KLHL5: variants seen among roughly 807,000 people sequenced by gnomAD.
KLHL5 encodes kelch-like protein 5.
In KLHL5, 48 loss-of-function variants were observed where a neutral mutation model predicts 77.7. The observed-to-expected ratio is 0.62, with a 90% CI of 0.49 to 0.79. KLHL5 has a LOEUF of 0.79. Among genes scored for constraint, KLHL5 ranks in the 30% least tolerant of loss-of-function variants. The pLI is 0.00. For missense variants in KLHL5, 723 were observed against 859.7 expected, an observed-to-expected ratio of 0.84 and a Z score of 1.99; for synonymous variants, 260 against 297.0, an observed-to-expected ratio of 0.88 and a Z score of 1.28.
At position 39,063,000 on chromosome 4, in the gene KLHL5, T is replaced by G; in HGVS notation, c.348T>G (p.Ser116Arg). The G allele has an allele frequency of 6.2e-7, 1 of 1,613,240 alleles. No individual in the cohort carries two copies. The highest frequency in any genetic ancestry group is 8.5e-7 in the Non-Finnish European group (1 of 1,179,690). ...LDRPEVDDGT[S>R]EEENESDSSS... is the part of the protein sequence containing the mutation. ...GACCAGAAGTGGATGATGGCACTAG[T>G]GAAGAAGAAAATGAATCTGATTCCA... Residue 116 changes from serine to arginine, a missense_variant, in exon 1 of 11, where the codon AGT becomes AGG. This residue lies in a region of KLHL5 where 221 missense variants were observed against 222.1 expected (regional missense o/e 1.00). Transcript: ENST00000504108.
chr4:39,104,550 C>G (rs890907158), intron 7 of KLHL5, among the ~76,000 whole-genome samples: 2 of 152,102 alleles, frequency 1.3e-5, no homozygotes, highest in African/African-American at 4.8e-5. Flanking sequence ...CCAGCTGTTT[C>G]GTGCAGATGA....
chr4:39,136,595 G>T, the KLHL5 span, among the ~76,000 whole-genome samples: 1 of 152,194 alleles, frequency 6.6e-6, no homozygotes, highest in Non-Finnish European at 1.5e-5. Flanking sequence ...GTGGGCTACA[G>T]GGTGGGTGAC....
chr4:39,141,378 G>A, the KLHL5 span, among the ~76,000 whole-genome samples: 3 of 146,302 alleles, frequency 2.1e-5, no homozygotes, highest in East Asian at 2.0e-4. Flanking sequence ...GCGCAATCTC[G>A]GCTCACTGCA....
chr4:39,102,799 A>C (rs1388226356), intron 6 of KLHL5, among the ~76,000 whole-genome samples: 1 of 152,186 alleles, frequency 6.6e-6, no homozygotes, highest in Non-Finnish European at 1.5e-5. Flanking sequence ...AGAATCTTCT[A>C]TGCTCACTGT....
At chr4:39,048,593 C>G (rs148316670) in intron 1 of KLHL5, among the ~76,000 whole-genome samples, 2 of 148,122 alleles carry the variant, frequency 1.4e-5, no homozygotes, top group Non-Finnish European at 3.0e-5. Context: ...CACATGCTTC[C>G]GCAGTTGTTA....
chr4:39,115,767 A>G (rs1297086966), intron 10 of KLHL5: 2 of 1,070,634 alleles, frequency 1.9e-6, no homozygotes, highest in Non-Finnish European at 2.3e-6. Context: ...TGATAACCTA[A>G]TGAAGATGGC....
At chr4:39,142,394 CAAA>C in the KLHL5 span, among the ~76,000 whole-genome samples, 3 of 95,072 alleles carry the variant, frequency 3.2e-5, no homozygotes, top group Non-Finnish European at 2.3e-5. Context: ...AACTCTGTCT[CAAA>C]AAAAAAAAAA....
downstream of KLHL5, among the ~76,000 whole-genome samples, chr4:39,128,738 G>C (rs533439861): frequency 2.8e-4 from 42 of 152,250 alleles, no homozygotes; most frequent in African/African-American, 9.6e-4. Flanking sequence ...CAAGGCAGGA[G>C]GATCACTTGA....
At chr4:39,096,647 C>A in intron 5 of KLHL5, 45 bp from the exon 6 acceptor site, 1 of 1,312,200 alleles carries the variant, frequency 7.6e-7, no homozygotes, top group Non-Finnish European at 1.1e-6. Context: ...TAAACCCTAC[C>A]ATTTTCTTAG....
In KLHL5 at chr4:39,086,726, A is replaced by C; in HGVS notation, c.1112A>C (p.Gln371Pro). The C allele has an allele frequency of 1.9e-6, 3 of 1,608,682 alleles. No individual in the cohort carries two copies. Among genetic ancestry groups the C allele is most frequent in the Non-Finnish European group, 2.6e-6 (3 of 1,175,134 alleles). Reference protein sequence around the residue: ...AYIRLPLLAPQFLADMENNVL... With the variant: ...AYIRLPLLAPPFLADMENNVL... Reference sequence around the variant, plus strand: ...ATTAGGCTACCTCTTCTTGCACCACAGGTAATTAATAGGCACTTGTTTATA... The same window carrying C: ...ATTAGGCTACCTCTTCTTGCACCACCGGTAATTAATAGGCACTTGTTTATA... The change falls in exon 5 of 11, where the codon CAG becomes CCG. Residue 371 changes from glutamine (Q) to proline (P), a missense_variant and splice_region_variant. Coordinates refer to ENST00000504108, the MANE Select transcript of KLHL5 (RefSeq NM_015990.5).
In KLHL5 at chr4:39,096,855, T is replaced by A; in HGVS notation, c.1277T>A (p.Val426Asp). Residue 426 changes from valine to aspartate, a missense_variant, in exon 6 of 11, where the codon GTT (valine) becomes GAT (aspartate). Physicochemically the swap from Val to Asp is radical, Grantham distance 152. Around this residue, in one of 3 missense-constraint regions of KLHL5, gnomAD observed 288 missense variants for 400.3 expected, o/e 0.72. Coordinates refer to ENST00000504108, the MANE Select transcript of KLHL5 (RefSeq NM_015990.5). ...TCAACTGTTGGTACATTATTTGCAG[T>A]TGGGGGAATGGATTCAACAAAAGGT... Reference protein sequence around the residue: ...RKSTVGTLFAVGGMDSTKGAT... With the variant: ...RKSTVGTLFADGGMDSTKGAT... The A allele has an allele frequency of 6.2e-7, 1 of 1,613,616 alleles. No individual in the cohort carries two copies. The highest frequency in any genetic ancestry group is 1.1e-5 in the South Asian group (1 of 91,066).
the KLHL5 span, among the ~76,000 whole-genome samples, chr4:39,142,915 A>G: frequency 2.4e-4 from 36 of 152,280 alleles, no homozygotes; most frequent in African/African-American, 3.6e-4. Context: ...AGAGATATGG[A>G]GAGAGGATGA....
intron 6 of KLHL5, among the ~76,000 whole-genome samples, chr4:39,097,346 G>T (rs1458163404): frequency 2.6e-5 from 4 of 152,232 alleles, no homozygotes; most frequent in Non-Finnish European, 5.9e-5. Context: ...GCTGAGACTA[G>T]TGGGAAAAGT....
intron 2 of KLHL5, among the ~76,000 whole-genome samples, chr4:39,079,945 T>A (rs1719454435): frequency 6.6e-6 from 1 of 152,148 alleles, no homozygotes; most frequent in South Asian, 2.1e-4. Context: ...CAATGAGATA[T>A]CATTTAACAC....
At chr4:39,076,663 C>A (rs1330267834) in intron 2 of KLHL5, among the ~76,000 whole-genome samples, 3 of 151,710 alleles carry the variant, frequency 2.0e-5, no homozygotes, top group Non-Finnish European at 4.4e-5. Flanking sequence ...AGGAAAAGAG[C>A]CATTTAATAA....
At chr4:39,051,763 C>A (rs966740914) in intron 1 of KLHL5, among the ~76,000 whole-genome samples, 1 of 152,230 alleles carries the variant, frequency 6.6e-6, no homozygotes, top group Non-Finnish European at 1.5e-5. Flanking sequence ...GTGTCTCTTA[C>A]ACAACTCCAT....
the KLHL5 span, among the ~76,000 whole-genome samples, chr4:39,141,399 G>C: frequency 1.4e-5 from 2 of 142,938 alleles, no homozygotes; most frequent in African/African-American, 5.2e-5. Flanking sequence ...AGCTCCACCT[G>C]CCGGGTTCAC....
intron 5 of KLHL5, chr4:39,093,074 A>T (rs1362307253): frequency 2.2e-6 from 1 of 455,948 alleles, no homozygotes; most frequent in Non-Finnish European, 4.4e-6. Flanking sequence ...CTTTATTCAT[A>T]ATAGCTTGAA....
intron 1 of KLHL5, among the ~76,000 whole-genome samples, chr4:39,070,007 A>T (rs1718322939): frequency 1.3e-5 from 2 of 152,182 alleles, no homozygotes; most frequent in African/African-American, 4.8e-5. Context: ...TCAGTGCAGT[A>T]GCGGAAAGGC....
Sources: gnomAD v4.1 joint callset for allele counts (sites outside exome capture counted in the v4.1 genomes callset) on GRCh38, gnomAD v4.1.1 for gene constraint, gnomAD v4.1.1 regional missense constraint, MANE v1.5 for transcripts, NCBI Gene and HGNC (gene_info 2026-07-23, HGNC 2026-07-21) for gene names.